Variants in PTPRT observed in about 807,000 individuals in gnomAD.
PTPRT encodes protein tyrosine phosphatase receptor type T.
Under a neutral mutation model 176.8 loss-of-function variants are expected in PTPRT, and 56 were observed. That is an observed-to-expected ratio of 0.32 (90% CI 0.26 to 0.40). PTPRT has a LOEUF of 0.40. Among genes scored for constraint, PTPRT ranks in the 10% least tolerant of loss-of-function variants. The probability of loss-of-function intolerance (pLI) is 1.00; values close to 1 mark genes in which losing one functional copy is unlikely to be tolerated. For synonymous variants in PTPRT, 783 were observed against 739.0 expected (o/e 1.06, Z -0.96); for missense variants, 1,540 against 1,908.2 (o/e 0.81, Z 3.60).
intron 6 of PTPRT, among the ~76,000 whole-genome samples, chr20:42,705,274 C>T (rs2076036037): frequency 6.6e-6 from 1 of 152,098 alleles, no homozygotes; most frequent in African/African-American, 2.4e-5. Context: ...TTAGAGTGAG[C>T]AACAAGGCTG....
At chr20:43,072,599 C>T (rs1000358965) in intron 1 of PTPRT, among the ~76,000 whole-genome samples, 1 of 152,202 alleles carries the variant, frequency 6.6e-6, no homozygotes, top group African/African-American at 2.4e-5. Context: ...TAGCTGCTTG[C>T]AAATTACCCA....
intron 13 of PTPRT, among the ~76,000 whole-genome samples, chr20:42,279,396 A>T (rs1407275300): frequency 2.6e-5 from 4 of 152,140 alleles, no homozygotes; most frequent in Non-Finnish European, 5.9e-5. Context: ...AAGAAATGCC[A>T]AAGATTTGCC....
intron 7 of PTPRT, among the ~76,000 whole-genome samples, chr20:42,530,684 T>G (rs2072366248): frequency 6.6e-6 from 1 of 152,196 alleles, no homozygotes; most frequent in Non-Finnish European, 1.5e-5. Context: ...TTCTTTCTGA[T>G]CCGGTGGTTT....
At chr20:42,946,993 A>G (rs950300497) in intron 1 of PTPRT, among the ~76,000 whole-genome samples, 2 of 152,160 alleles carry the variant, frequency 1.3e-5, no homozygotes, top group African/African-American at 4.8e-5. Flanking sequence ...AGAACCAGCC[A>G]CTTCGATTCA....
chr20:42,739,099 C>G (rs1569124364), intron 6 of PTPRT, among the ~76,000 whole-genome samples: 1 of 152,132 alleles, frequency 6.6e-6, no homozygotes, highest in South Asian at 2.1e-4. Context: ...GCAAATGGTA[C>G]TAATTGCTTG....
At chr20:42,430,511 G>T (rs1378754500) in intron 9 of PTPRT, among the ~76,000 whole-genome samples, 3 of 152,194 alleles carry the variant, frequency 2.0e-5, no homozygotes, top group African/African-American at 7.2e-5. Context: ...AGGCCCAACT[G>T]CTTCAACCTC....
intron 7 of PTPRT, among the ~76,000 whole-genome samples, chr20:42,480,374 G>A (rs2060207138): frequency 6.6e-6 from 1 of 152,116 alleles, no homozygotes; most frequent in African/African-American, 2.4e-5. Flanking sequence ...CAGGGGTTGT[G>A]GAGGTTTCTG....
chr20:42,955,119 A>G (rs955158058), intron 1 of PTPRT, among the ~76,000 whole-genome samples: 1 of 152,174 alleles, frequency 6.6e-6, no homozygotes, highest in African/African-American at 2.4e-5. Flanking sequence ...ACGTTGCCAT[A>G]GCAATATAAA....
Position 42,595,564 on chromosome 20 carries a change from T to C in PTPRT, c.1153+82302A>G, listed in dbSNP as rs140351147. Among the ~76,000 whole-genome samples, 344 of 152,300 alleles carry C rather than the reference T, an allele frequency of 2.3e-3. 2 individuals carry two copies. Among genetic ancestry groups the C allele is most frequent in the Middle Eastern group, 3.4e-3 (1 of 294 alleles). On this transcript the variant is annotated intron_variant, in intron 7 of 30. Coordinates refer to ENST00000373187, the MANE Select transcript of PTPRT (RefSeq NM_007050.6). ...GAGCTAAGTGGTGCCAGAGAGATAC[T>C]TGCAGGACCTCAGCTTTGTTAGTCT...
At chr20:42,924,233 C>A (rs979806776) in intron 1 of PTPRT, among the ~76,000 whole-genome samples, 2 of 152,036 alleles carry the variant, frequency 1.3e-5, no homozygotes, top group African/African-American at 4.8e-5. Flanking sequence ...GCCTTTTAAC[C>A]CTTCCATTTA....
rs553236336 is a variant in PTPRT at position 42,609,642 on chromosome 20, A to G, written c.1153+68224T>C. On this transcript the variant is annotated intron_variant, in intron 7 of 30. Transcript: ENST00000373187. ...TTCTTTCTACCAAGATATGGAATCC[A>G]TCTTTAGAGCTGAGTAACCAGCTGC... Among the ~76,000 whole-genome samples, 13 of 152,260 alleles carry G rather than the reference A, an allele frequency of 8.5e-5. No individual in the cohort carries two copies. In the Middle Eastern group the frequency reaches 0.017, roughly 199 times the overall value.
chr20:42,324,046 C>A (rs2057845622), intron 11 of PTPRT, among the ~76,000 whole-genome samples: 1 of 152,090 alleles, frequency 6.6e-6, no homozygotes, highest in South Asian at 2.1e-4. Context: ...AAGACATTTC[C>A]ACACAAAAAC....
In PTPRT at chr20:42,472,559, G is replaced by A. The variant is rs368237025; in HGVS notation, c.1157C>T (p.Pro386Leu). 1.9e-5 allele frequency: 30 copies of A among 1,613,214 alleles called. No homozygotes were observed. The Admixed American group carries it at 2.5e-4, about 13-fold the overall frequency. The change falls in exon 8 of 31, where the codon CCG becomes CTG. Residue 386 changes from proline (P) to leucine (L), a missense_variant. Transcript: ENST00000373187. Reference sequence around the variant, plus strand: ...TTCCACGTTCTGTGGGCCATGTACCGGATCTGCAAAACATGCAGGCAAGAA... The same window carrying A: ...TTCCACGTTCTGTGGGCCATGTACCAGATCTGCAAAACATGCAGGCAAGAA... The part of the protein sequence containing the change: ...PLTTRTKCAD[P>L]VHGPQNVEIV...
chr20:42,566,756 T>C (rs1841029733), intron 7 of PTPRT, among the ~76,000 whole-genome samples: 1 of 152,190 alleles, frequency 6.6e-6, no homozygotes, highest in Non-Finnish European at 1.5e-5. Flanking sequence ...ATGAGGTATC[T>C]TTGATTGCAT....
intron 2 of PTPRT, among the ~76,000 whole-genome samples, chr20:42,876,192 T>C (rs2078927543): frequency 6.6e-6 from 1 of 152,164 alleles, no homozygotes; most frequent in Non-Finnish European, 1.5e-5. Flanking sequence ...TATAATATTT[T>C]GTCATTAAAG....
intron 9 of PTPRT, among the ~76,000 whole-genome samples, chr20:42,423,033 G>C (rs542923013): frequency 6.6e-6 from 1 of 152,126 alleles, no homozygotes; most frequent in South Asian, 2.1e-4. Flanking sequence ...AACACACACT[G>C]GGGCCTTTCA....
intron 9 of PTPRT, among the ~76,000 whole-genome samples, chr20:42,438,858 T>C (rs1055138696): frequency 7.9e-5 from 12 of 152,154 alleles, no homozygotes; most frequent in African/African-American, 2.7e-4. Context: ...CACAAATACC[T>C]GTGTCGTAAT....
chr20:42,159,613 A>C (rs1344503103), intron 17 of PTPRT, among the ~76,000 whole-genome samples: 1 of 152,132 alleles, frequency 6.6e-6, no homozygotes, highest in Non-Finnish European at 1.5e-5. Context: ...CATCTTCTTC[A>C]ACTCTAATTC....
chr20:42,856,100 C>T (rs1028095231), intron 2 of PTPRT, among the ~76,000 whole-genome samples: 27 of 152,098 alleles, frequency 1.8e-4, no homozygotes, highest in African/African-American at 6.3e-4. Flanking sequence ...GACCACCCAC[C>T]CCAGGAAGAG....
Sources: allele counts gnomAD v4.1 joint callset (sites outside exome capture counted in the v4.1 genomes callset), GRCh38; gene constraint gnomAD v4.1.1; transcripts MANE v1.5; gene names NCBI Gene and HGNC (gene_info 2026-07-23, HGNC 2026-07-21).